SPECC1L: variants seen among roughly 807,000 people sequenced by gnomAD.
SPECC1L encodes the protein sperm antigen with calponin homology and coiled-coil domains 1 like, also known as cytospin-A.
SPECC1L carries 40 observed loss-of-function variants against 116.8 expected under a neutral mutation model. The observed-to-expected ratio is 0.34, with a 90% CI of 0.27 to 0.45. The LOEUF is 0.45. Ranked by LOEUF, SPECC1L falls within the 20% of genes least tolerant of loss-of-function variation. The pLI is 1.00. For missense variants in SPECC1L, 1,110 were observed against 1,373.6 expected (o/e 0.81, Z 3.03); for synonymous variants, 504 against 500.6 (o/e 1.01, Z -0.09).
In SPECC1L at chr22:24,321,339, G is replaced by T. The variant is rs575320570; in HGVS notation, c.359G>T (p.Ser120Ile). ...RSTSTGNKESSSTRERLRERT... is the reference protein window; with the variant it reads ...RSTSTGNKESISTRERLRERT... ...ACTTCTACAGGTAATAAAGAATCCA[G>T]TTCTACTAGAGAAAGATTACGTGAA... Residue 120 changes from serine (S) to isoleucine (I), a missense_variant, in exon 5 of 17, where the codon AGT becomes ATT. By Grantham distance (142) the Ser-to-Ile change is moderately radical (BLOSUM62 -2). This residue lies in a region of SPECC1L where 437 missense variants were observed against 482.6 expected (regional missense o/e 0.91). Transcript: ENST00000314328. 7 of 1,614,218 alleles carry T rather than the reference G, an allele frequency of 4.3e-6. No individual in the cohort carries two copies. The Admixed American group carries it at 5.0e-5, about 12-fold the overall frequency.
chr22:24,285,802 C>T (rs1004970531), intron 2 of SPECC1L, among the ~76,000 whole-genome samples: 3 of 152,072 alleles, frequency 2.0e-5, no homozygotes, highest in African/African-American at 4.8e-5. Context: ...CCACCAAGCC[C>T]GGCTAATTTT....
At chr22:24,347,591 G>C (rs1033383582) in intron 11 of SPECC1L, among the ~76,000 whole-genome samples, 19 of 152,180 alleles carry the variant, frequency 1.2e-4, no homozygotes, top group African/African-American at 4.3e-4. Context: ...TCTGGACTGA[G>C]TTTTGTTACC....
intron 14 of SPECC1L, among the ~76,000 whole-genome samples, chr22:24,382,257 C>T (rs1236898318): frequency 1.3e-5 from 2 of 152,102 alleles, no homozygotes; most frequent in African/African-American, 4.8e-5. Context: ...TCCCTTAGGG[C>T]GGTGGCTAAC....
At chr22:24,373,293 A>G (rs2041906498) in intron 14 of SPECC1L, among the ~76,000 whole-genome samples, 1 of 152,196 alleles carries the variant, frequency 6.6e-6, no homozygotes, top group Admixed American at 6.5e-5. Flanking sequence ...TTCATATGGA[A>G]CCAAAAAAGG....
intron 6 of SPECC1L, 127 bp from the exon 7 acceptor site, chr22:24,328,719 A>C (rs1376826363): frequency 6.1e-6 from 4 of 655,700 alleles, no homozygotes; most frequent in Non-Finnish European, 1.1e-5. Flanking sequence ...TTTTGTATTA[A>C]AATTTTTTAT....
At chr22:24,375,969 A>C (rs2041963520) in intron 14 of SPECC1L, among the ~76,000 whole-genome samples, 1 of 150,422 alleles carries the variant, frequency 6.6e-6, no homozygotes, top group African/African-American at 2.5e-5. Flanking sequence ...AAACAAACAA[A>C]CAAAAAAAAC....
chr22:24,398,500 A>G (rs2042409058), intron 14 of SPECC1L, among the ~76,000 whole-genome samples: 1 of 152,204 alleles, frequency 6.6e-6, no homozygotes, highest in African/African-American at 2.4e-5. Flanking sequence ...CTTTCAAATC[A>G]GTATAAAGAA....
At position 24,356,387 on chromosome 22, in the gene SPECC1L, C is replaced by G. The variant is rs183173389; in HGVS notation, c.2744-6874C>G. Among the ~76,000 whole-genome samples, 43 of 152,136 alleles carry G rather than the reference C, an allele frequency of 2.8e-4. 1 individual carries two copies. The East Asian group carries it at 8.1e-3, about 29-fold the overall frequency. On this transcript the variant is annotated intron_variant, in intron 11 of 16. Transcript: ENST00000314328. ...ATACCCATTTGGGAATGTGTTATGT[C>G]TTCTTAGAGAACTAGCCCCTTTATT...
chr22:24,387,296 A>T (rs940690204), intron 14 of SPECC1L, among the ~76,000 whole-genome samples: 3 of 152,276 alleles, frequency 2.0e-5, no homozygotes, highest in African/African-American at 7.2e-5. Flanking sequence ...AAGCAGCCAG[A>T]TGCACAGGAG....
chr22:24,321,892 C>T lies in SPECC1L; in HGVS notation c.912C>T (p.Ser304=), dbSNP rs200945850. Residue 304 remains serine (S), a synonymous_variant, in exon 5 of 17, where the codon AGC becomes AGT. Coordinates refer to ENST00000314328, the MANE Select transcript of SPECC1L (RefSeq NM_015330.6). Reference sequence around the variant, plus strand: ...CAGAAATCACCCCTGGTAACCAGAGCGATGGAGGAGGAACTCTGACTTCTT... The same window carrying T: ...CAGAAATCACCCCTGGTAACCAGAGTGATGGAGGAGGAACTCTGACTTCTT... ...LSPEITPGNQ[S]DGGGTLTSSV... 24 of 1,614,114 alleles carry T rather than the reference C, an allele frequency of 1.5e-5. No homozygotes were observed. The highest frequency in any genetic ancestry group is 1.6e-4 in the Middle Eastern group (1 of 6,084).
chr22:24,365,064 G>A (rs2041727704), intron 12 of SPECC1L, among the ~76,000 whole-genome samples: 1 of 152,090 alleles, frequency 6.6e-6, no homozygotes, highest in Non-Finnish European at 1.5e-5. Flanking sequence ...GGAGTGCAGA[G>A]TGGCGCAGTC....
At chr22:24,395,770 T>C (rs1373546742) in intron 14 of SPECC1L, among the ~76,000 whole-genome samples, 2 of 152,144 alleles carry the variant, frequency 1.3e-5, no homozygotes, top group African/African-American at 2.4e-5. Context: ...CCCAAGAAGC[T>C]GGGATCAACA....
At chr22:24,358,424 A>G (rs887681053) in intron 11 of SPECC1L, among the ~76,000 whole-genome samples, 2 of 152,222 alleles carry the variant, frequency 1.3e-5, no homozygotes, top group East Asian at 3.9e-4. Flanking sequence ...ACTTGATTCT[A>G]TTATATTCCT....
At chr22:24,367,337 T>TA (rs1281287192) in intron 13 of SPECC1L, among the ~76,000 whole-genome samples, 2 of 152,258 alleles carry the variant, frequency 1.3e-5, no homozygotes, top group African/African-American at 2.4e-5. Context: ...TGGAATCCTT[T>TA]AAAGCAAGCT....
chr22:24,391,301 A>G (rs577041377), intron 14 of SPECC1L, among the ~76,000 whole-genome samples: 2 of 152,358 alleles, frequency 1.3e-5, no homozygotes, highest in South Asian at 4.1e-4. Flanking sequence ...CTGGGAAACA[A>G]AGTTTTCCCA....
chr22:24,386,523 C>T (rs1357552734), intron 14 of SPECC1L, among the ~76,000 whole-genome samples: 1 of 152,008 alleles, frequency 6.6e-6, no homozygotes, highest in Non-Finnish European at 1.5e-5. Context: ...GTAGGAAATA[C>T]TAACAAAGAT....
intron 11 of SPECC1L, among the ~76,000 whole-genome samples, chr22:24,360,498 A>C (rs2041621839): frequency 6.6e-6 from 1 of 152,242 alleles, no homozygotes; most frequent in Non-Finnish European, 1.5e-5. Context: ...TTAACCATGC[A>C]GTAAGAAACA....
At position 24,327,277 on chromosome 22, in the gene SPECC1L, CAAAAAAAAAA is replaced by C. The variant is rs58725731; in HGVS notation, c.2147-1553_2147-1544del. 3.8e-3 allele frequency among the ~76,000 whole-genome samples: 160 copies of C among 41,986 alleles called. 1 individual carries two copies. The highest frequency in any genetic ancestry group is 0.01 in the African/African-American group (140 of 13,340). 27.5% of individuals were successfully genotyped at this position (41,986 alleles called of 152,430 possible). A position where few individuals can be genotyped will look rare whatever the true frequency, so the allele number is the denominator to read the frequency against. On this transcript the variant is annotated intron_variant, in intron 6 of 16. Transcript: ENST00000314328. ...TGGGCAACAGATTGAGACTCCGTCT[CAAAAAAAAAA>C]AAAAAAAAAAAAAAACATCAGAACA...
intron 8 of SPECC1L, 37 bp downstream of exon 8, chr22:24,330,468 A>G: frequency 2.5e-6 from 4 of 1,607,674 alleles, no homozygotes; most frequent in Non-Finnish European, 3.4e-6. Context: ...CTTATGTTTC[A>G]GTAGAGAACA....
Sources: allele counts gnomAD v4.1 joint callset (sites outside exome capture counted in the v4.1 genomes callset), GRCh38; gene constraint gnomAD v4.1.1; regional missense constraint gnomAD v4.1.1; transcripts MANE v1.5; gene names NCBI Gene and HGNC (gene_info 2026-07-23, HGNC 2026-07-21).